SLC12A5: variants seen among roughly 807,000 people sequenced by gnomAD.
SLC12A5 encodes the protein K-Cl cotransporter 2.
In SLC12A5, 18 loss-of-function variants were observed where a neutral mutation model predicts 124.0. The ratio of observed to expected loss-of-function variants is 0.15; its 90% CI spans 0.10 to 0.22. SLC12A5 has a LOEUF of 0.22. Ranked by LOEUF, SLC12A5 falls within the 10% of genes least tolerant of loss-of-function variation. The pLI is 1.00. For synonymous variants in SLC12A5, 589 were observed against 568.0 expected (o/e 1.04, Z -0.53); for missense variants, 867 against 1,478.7 (o/e 0.59, Z 6.78).
chr20:46,035,206 T>A (rs2084486510), intron 2 of SLC12A5, 164 bp downstream of exon 2: 1 of 992,640 alleles, frequency 1.0e-6, no homozygotes, highest in Non-Finnish European at 1.6e-6. Context: ...TCCTGGGATT[T>A]ACTCCCTCTG....
In SLC12A5 at chr20:46,053,411, C is replaced by G. The variant is rs1265099881; in HGVS notation, c.2548-167C>G. 6.6e-6 allele frequency among the ~76,000 whole-genome samples: 1 copy of G among 152,182 alleles called. No individual in the cohort carries two copies. The highest frequency in any genetic ancestry group is 1.5e-5 in the Non-Finnish European group (1 of 68,038). ...TTAATGGGGGACCCTCAGACCTAAGCAGGGAAGGTTTTGTAGAGAGTGGCC... is the reference window on the plus strand; with the variant it reads ...TTAATGGGGGACCCTCAGACCTAAGGAGGGAAGGTTTTGTAGAGAGTGGCC... On this transcript the variant is annotated intron_variant, in intron 19 of 25. Transcript: ENST00000243964. The surrounding 1 kb of genome is among the most constrained non-coding windows in gnomAD (Gnocchi z 4.7).
chr20:46,049,501 A>G (rs1175387362), intron 16 of SLC12A5, 121 bp from the exon 17 acceptor site: 2 of 1,240,772 alleles, frequency 1.6e-6, no homozygotes, highest in South Asian at 1.4e-5. Context: ...GGTGAGGGGT[A>G]TAGGTGGATG....
chr20:46,021,815 G>T, upstream of SLC12A5: 1 of 1,534,608 alleles, frequency 6.5e-7, no homozygotes. Context: ...GGGCCCGCCA[G>T]AAGCCCTGAC....
chr20:46,041,649 T>TG, intron 8 of SLC12A5, 109 bp downstream of exon 8: 1 of 1,126,130 alleles, frequency 8.9e-7, no homozygotes, highest in Non-Finnish European at 1.3e-6. Context: ...CAATCAGCTT[T>TG]AATTGAGCAC....
chr20:46,053,232 G>A lies in SLC12A5; in HGVS notation c.2547+106G>A. The A allele has an allele frequency of 7.8e-7, 1 of 1,288,960 alleles. No homozygotes were observed. The highest frequency in any genetic ancestry group is 1.1e-6 in the Non-Finnish European group (1 of 943,508). 79.8% of individuals were successfully genotyped at this position (1,288,960 alleles called of 1,614,324 possible). A position where few individuals can be genotyped will look rare whatever the true frequency, so the allele number is the denominator to read the frequency against. Reference sequence around the variant, plus strand: ...GGTCAGACTCAGGGGCTCTGGCCAGGGTCAGCTTCCGTGTCCTTCCTCCCC... The same window carrying A: ...GGTCAGACTCAGGGGCTCTGGCCAGAGTCAGCTTCCGTGTCCTTCCTCCCC... On this transcript the variant is annotated intron_variant, in intron 19 of 25. Coordinates refer to ENST00000243964, the MANE Select transcript of SLC12A5 (RefSeq NM_020708.5). This position sits in a 1 kb window ranked among gnomAD's most constrained non-coding sequence, Gnocchi z 4.7.
intron 7 of SLC12A5, chr20:46,040,871 A>T (rs2084539816): frequency 1.8e-6 from 1 of 544,886 alleles, no homozygotes; most frequent in African/African-American, 1.9e-5. Flanking sequence ...GGAAGAATTA[A>T]GTGGGAATGA....
At position 46,058,429 on chromosome 20, in the gene SLC12A5, A is replaced by G. The variant is rs1029022456; in HGVS notation, c.*824A>G. 9 of 398,796 alleles carry G rather than the reference A, an allele frequency of 2.3e-5. No individual in the cohort carries two copies. The South Asian group carries it at 8.9e-4, about 40-fold the overall frequency. 24.7% of individuals were successfully genotyped at this position (398,796 alleles called of 1,614,324 possible). ...CGAGATGAGGTGAGACAAGGGTCCAACTTTTCCTGGATTCGCCTCCCAGCG... is the reference window on the plus strand; with the variant it reads ...CGAGATGAGGTGAGACAAGGGTCCAGCTTTTCCTGGATTCGCCTCCCAGCG... On this transcript the variant is annotated 3_prime_UTR_variant, in exon 26 of 26. Coordinates refer to ENST00000243964, the MANE Select transcript of SLC12A5 (RefSeq NM_020708.5). The surrounding 1 kb of genome is among the most constrained non-coding windows in gnomAD (Gnocchi z 5.8).
intron 16 of SLC12A5, among the ~76,000 whole-genome samples, chr20:46,048,414 G>A (rs1198362509): frequency 6.6e-6 from 1 of 152,156 alleles, no homozygotes; most frequent in African/African-American, 2.4e-5. Context: ...TAGTCTCTGG[G>A]GATGTAGGAA....
At chr20:46,034,215 T>C (rs1331286780) in intron 1 of SLC12A5, among the ~76,000 whole-genome samples, 3 of 152,142 alleles carry the variant, frequency 2.0e-5, no homozygotes, top group Non-Finnish European at 4.4e-5. Flanking sequence ...CCTTCCTCCC[T>C]CCCAGGCTAG....
At chr20:46,030,978 G>A (rs2084444543) in intron 1 of SLC12A5, among the ~76,000 whole-genome samples, 1 of 152,154 alleles carries the variant, frequency 6.6e-6, no homozygotes. Context: ...GAGGGGGTTT[G>A]GCAAAGTTGA....
At chr20:46,038,589 A>G (rs562200219) in intron 6 of SLC12A5, among the ~76,000 whole-genome samples, 165 of 152,364 alleles carry the variant, frequency 1.1e-3, no homozygotes, top group Non-Finnish European at 2.0e-3. Context: ...AGAGCCTTAC[A>G]CAAGTGATGC....
intron 15 of SLC12A5, 73 bp downstream of exon 15, chr20:46,047,646 A>G: frequency 6.8e-7 from 1 of 1,477,042 alleles, no homozygotes; most frequent in Non-Finnish European, 9.3e-7. Flanking sequence ...GGAAGGGGTC[A>G]TGAGGGATTG....
chr20:46,040,705 T>A, intron 7 of SLC12A5, 91 bp downstream of exon 7: 1 of 1,550,240 alleles, frequency 6.5e-7, no homozygotes, highest in Non-Finnish European at 8.7e-7. Context: ...TCCCTGCCCC[T>A]CAGAATCTCA....
In SLC12A5 at chr20:46,058,651, C is replaced by A. The variant is rs1351860368; in HGVS notation, c.*1046C>A. 5.8e-5 allele frequency: 23 copies of A among 398,916 alleles called. No individual in the cohort carries two copies. Among genetic ancestry groups the A allele is most frequent in the Non-Finnish European group, 8.8e-6 (2 of 226,074 alleles). The allele number at this position is 398,916 out of a possible 1,614,324, so 24.7% of individuals were successfully genotyped here. A position where few individuals can be genotyped will look rare whatever the true frequency, so the allele number is the denominator to read the frequency against. On this transcript the variant is annotated 3_prime_UTR_variant, in exon 26 of 26. Transcript: ENST00000243964. The surrounding 1 kb of genome is among the most constrained non-coding windows in gnomAD (Gnocchi z 5.8). ...CTCCTCAGTCGGCTTGTCGCCTGCTCCCCGTATCCCATGGCTCCTCGCCAA... is the reference window on the plus strand; with the variant it reads ...CTCCTCAGTCGGCTTGTCGCCTGCTACCCGTATCCCATGGCTCCTCGCCAA...
chr20:46,032,039 T>C (rs915814682), intron 1 of SLC12A5, among the ~76,000 whole-genome samples: 25 of 152,248 alleles, frequency 1.6e-4, no homozygotes, highest in African/African-American at 4.3e-4. Context: ...AGGCAGCTAC[T>C]GGAAAGGCGG....
Position 46,057,731 on chromosome 20 carries a change from C to A in SLC12A5, c.*126C>A. Reference sequence around the variant, plus strand: ...GCCCGTGTCCTGGCCCCTTACCCCGCTGCCTGAAGCCCGGAGGCCACGCCT... The same window carrying A: ...GCCCGTGTCCTGGCCCCTTACCCCGATGCCTGAAGCCCGGAGGCCACGCCT... On this transcript the variant is annotated 3_prime_UTR_variant, in exon 26 of 26. Transcript: ENST00000243964. This position sits in a 1 kb window ranked among gnomAD's most constrained non-coding sequence, Gnocchi z 7.1. 1 of 728,896 alleles carries A rather than the reference C, an allele frequency of 1.4e-6. No homozygotes were observed. Among genetic ancestry groups the A allele is most frequent in the Non-Finnish European group, 2.2e-6 (1 of 461,448 alleles). The allele number at this position is 728,896 out of a possible 1,614,324, so 45.2% of individuals were successfully genotyped here.
rs1446807100 is a variant in SLC12A5, at chr20:46,056,072, C to T, written c.2788-78C>T. 6.3e-7 allele frequency: 1 copy of T among 1,577,202 alleles called. No homozygotes were observed. The highest frequency in any genetic ancestry group is 8.6e-7 in the Non-Finnish European group (1 of 1,160,196). ...CAGAAAGTGCATCCTGGCTGAACAT[C>T]ATCTCTGGTGATAGCTCTTTGCAGG... On this transcript the variant is annotated intron_variant, in intron 21 of 25. Coordinates refer to ENST00000243964, the MANE Select transcript of SLC12A5 (RefSeq NM_020708.5). The surrounding 1 kb of genome is among the most constrained non-coding windows in gnomAD (Gnocchi z 4.3).
chr20:46,040,674 G>C, intron 7 of SLC12A5, 60 bp downstream of exon 7: 1 of 1,588,072 alleles, frequency 6.3e-7, no homozygotes, highest in Non-Finnish European at 8.6e-7. Context: ...CCCTGTTTCA[G>C]AGTCTCTGCC....
downstream of SLC12A5, chr20:46,023,684 C>T (rs1886790031): frequency 2.7e-6 from 1 of 375,112 alleles, no homozygotes; most frequent in African/African-American, 2.1e-5. Flanking sequence ...TAAGTTATAG[C>T]TCATTTAACC....
Sources: allele counts gnomAD v4.1 joint callset (sites outside exome capture counted in the v4.1 genomes callset), GRCh38; gene constraint gnomAD v4.1.1; non-coding constraint Gnocchi (gnomAD v3.1); transcripts MANE v1.5; gene names NCBI Gene and HGNC (gene_info 2026-07-23, HGNC 2026-07-21).